ASTN2: variants seen among roughly 807,000 people sequenced by gnomAD.
ASTN2 encodes the protein astrotactin 2.
Under a neutral mutation model 139.8 loss-of-function variants are expected in ASTN2, and 54 were observed. That is an observed-to-expected ratio of 0.39 (90% CI 0.31 to 0.48). The LOEUF is 0.48. Ranked by LOEUF, ASTN2 falls within the 20% of genes least tolerant of loss-of-function variation. ASTN2 has a pLI of 0.95. For synonymous variants in ASTN2, 756 were observed against 719.5 expected (o/e 1.05, Z -0.81); for missense variants, 1,565 against 1,725.1 (o/e 0.91, Z 1.64).
intron 22 of ASTN2, among the ~76,000 whole-genome samples, chr9:116,429,780 G>A (rs1847437627): frequency 6.6e-6 from 1 of 152,128 alleles, no homozygotes; most frequent in African/African-American, 2.4e-5. Flanking sequence ...TCTAATTCGG[G>A]GGCAGAGCAC....
At chr9:116,549,164 C>T (rs62574404) in intron 19 of ASTN2, among the ~76,000 whole-genome samples, 23,984 of 147,958 alleles carry the variant, frequency 0.16, 2,069 homozygotes, top group African/African-American at 0.22. Flanking sequence ...TGAAGCAAAC[C>T]ACAAAAATGT....
At chr9:117,116,134 A>G (rs1829384188) in intron 4 of ASTN2, among the ~76,000 whole-genome samples, 1 of 152,198 alleles carries the variant, frequency 6.6e-6, no homozygotes, top group Admixed American at 6.5e-5. Context: ...ATAAGGCTAC[A>G]GCATAGGCTA....
intron 20 of ASTN2, among the ~76,000 whole-genome samples, chr9:116,471,961 A>T (rs2119013042): frequency 6.6e-6 from 1 of 152,184 alleles, no homozygotes; most frequent in African/African-American, 2.4e-5. Context: ...AAAACCCGCG[A>T]GTGCAACAGC....
chr9:117,095,929 A>T, intron 5 of ASTN2, 115 bp downstream of exon 5: 9 of 931,762 alleles, frequency 9.7e-6, no homozygotes, highest in Non-Finnish European at 1.5e-5. Context: ...CTCAGTTTTA[A>T]CCAGATGGGG....
intron 3 of ASTN2, among the ~76,000 whole-genome samples, chr9:117,203,032 C>T (rs76361670): frequency 0.016 from 2,490 of 151,828 alleles, 61 homozygotes; most frequent in African/African-American, 0.058. Context: ...TTTGTTAATT[C>T]TTTTTTGTTC....
At chr9:116,824,391 C>CTT (rs1156649927) in intron 11 of ASTN2, among the ~76,000 whole-genome samples, 3 of 62,132 alleles carry the variant, frequency 4.8e-5, no homozygotes, top group African/African-American at 1.6e-4. Context: ...CTGTCTCTCT[C>CTT]TCTCTCATCA....
At chr9:117,198,083 G>A (rs1184797200) in intron 3 of ASTN2, among the ~76,000 whole-genome samples, 1 of 151,784 alleles carries the variant, frequency 6.6e-6, no homozygotes, top group Non-Finnish European at 1.5e-5. Context: ...ACAAAAGGGG[G>A]GTACATACAC....
chr9:117,371,742 T>C (rs1829996663), intron 1 of ASTN2, among the ~76,000 whole-genome samples: 1 of 152,042 alleles, frequency 6.6e-6, no homozygotes, highest in Non-Finnish European at 1.5e-5. Flanking sequence ...TATTGCTAGG[T>C]GTCAAAGCAC....
At chr9:117,158,124 A>G (rs554313938) in intron 3 of ASTN2, among the ~76,000 whole-genome samples, 75 of 152,200 alleles carry the variant, frequency 4.9e-4, no homozygotes, top group South Asian at 1.0e-3. Flanking sequence ...GCCTATAATT[A>G]AAGTTGTGCT....
chr9:116,820,096 T>G (rs1831443958), intron 12 of ASTN2, among the ~76,000 whole-genome samples: 1 of 152,194 alleles, frequency 6.6e-6, no homozygotes. Flanking sequence ...TGTTGTTTCC[T>G]TTAGCCCTCC....
chr9:117,092,776 C>T (rs915303564), intron 5 of ASTN2, among the ~76,000 whole-genome samples: 5 of 152,158 alleles, frequency 3.3e-5, no homozygotes, highest in African/African-American at 1.2e-4. Flanking sequence ...CCTGGGCAGA[C>T]TGCAGGGAAC....
intron 1 of ASTN2, among the ~76,000 whole-genome samples, chr9:117,405,966 G>A (rs1451207991): frequency 6.6e-6 from 1 of 152,224 alleles, no homozygotes; most frequent in African/African-American, 2.4e-5. Context: ...GAAGAGGGAA[G>A]GCTCTGTGGG....
chr9:116,641,329 G>C (rs536716479), intron 17 of ASTN2, among the ~76,000 whole-genome samples: 1 of 152,288 alleles, frequency 6.6e-6, no homozygotes, highest in Admixed American at 6.5e-5. Flanking sequence ...AGCTAGTAGA[G>C]AGGAAAGTGA....
At chr9:116,977,336 T>G (rs1267727958) in intron 7 of ASTN2, among the ~76,000 whole-genome samples, 1 of 152,128 alleles carries the variant, frequency 6.6e-6, no homozygotes, top group Admixed American at 6.5e-5. Context: ...TTTTAAATTA[T>G]TTTTCCTCTC....
chr9:116,982,978 G>C (rs1400638884), intron 7 of ASTN2, among the ~76,000 whole-genome samples: 4 of 152,160 alleles, frequency 2.6e-5, no homozygotes, highest in African/African-American at 7.2e-5. Flanking sequence ...TTGCCCATGA[G>C]AGTGCAAAGC....
At chr9:116,733,692 C>T (rs1828847644) in intron 13 of ASTN2, among the ~76,000 whole-genome samples, 169 bp from the exon 14 acceptor site, 1 of 152,198 alleles carries the variant, frequency 6.6e-6, no homozygotes, top group Non-Finnish European at 1.5e-5. Flanking sequence ...GTGCTAACTA[C>T]AGGTTCCTGA....
intron 10 of ASTN2, among the ~76,000 whole-genome samples, chr9:116,919,847 G>A (rs1353425870): frequency 1.3e-5 from 2 of 151,354 alleles, no homozygotes; most frequent in East Asian, 2.0e-4. Context: ...AGGCTGCAGT[G>A]GGAGGATTGC....
At chr9:117,262,310 G>A (rs1366813325) in intron 2 of ASTN2, among the ~76,000 whole-genome samples, 4 of 152,088 alleles carry the variant, frequency 2.6e-5, no homozygotes, top group Non-Finnish European at 4.4e-5. Context: ...GTAAGGATAT[G>A]GAAAAACACT....
At chr9:117,035,210 T>C (rs1838351896) in intron 6 of ASTN2, among the ~76,000 whole-genome samples, 1 of 152,170 alleles carries the variant, frequency 6.6e-6, no homozygotes, top group Non-Finnish European at 1.5e-5. Context: ...TGGAGCTTCT[T>C]GCACTTGACA....
Sources: allele counts gnomAD v4.1 joint callset (sites outside exome capture counted in the v4.1 genomes callset), GRCh38; gene constraint gnomAD v4.1.1; transcripts MANE v1.5; gene names NCBI Gene and HGNC (gene_info 2026-07-23, HGNC 2026-07-21).